The following OXCT1 variants were observed in gnomAD, a reference collection of about 807,000 sequenced individuals.
The protein encoded by OXCT1 is succinyl-CoA:3-ketoacid coenzyme A transferase 1, mitochondrial.
Under a neutral mutation model 69.6 loss-of-function variants are expected in OXCT1, and 27 were observed. The ratio of observed to expected loss-of-function variants is 0.39; its 90% CI spans 0.29 to 0.54. The LOEUF (loss-of-function observed/expected upper bound fraction) is 0.54. Ranked by LOEUF, OXCT1 falls within the 20% of genes least tolerant of loss-of-function variation. The pLI, the probability that OXCT1 is intolerant of heterozygous loss-of-function variation, is 0.72. For synonymous variants in OXCT1, 202 were observed against 217.8 expected (o/e 0.93, Z 0.64); for missense variants, 437 against 650.2 (o/e 0.67, Z 3.57).
At chr5:41,791,400 G>C (rs553104420) in intron 13 of OXCT1, among the ~76,000 whole-genome samples, 2 of 152,208 alleles carry the variant, frequency 1.3e-5, no homozygotes, top group Non-Finnish European at 2.9e-5. Flanking sequence ...GGAACTCGTG[G>C]GCTCCAAGTT....
chr5:41,789,912 T>C lies in OXCT1; in HGVS notation c.1248+4091A>G, dbSNP rs569326065. Among the ~76,000 whole-genome samples, 34 of 152,348 alleles carry C rather than the reference T, an allele frequency of 2.2e-4. No homozygotes were observed. The South Asian group carries it at 4.1e-3, about 19-fold the overall frequency. ...TTTTATAACCAGGAATACTAGTGAC[T>C]TAACTTATTTAAAACAGGTAGCATG... On this transcript the variant is annotated intron_variant, in intron 13 of 16. Coordinates refer to ENST00000196371, the MANE Select transcript of OXCT1 (RefSeq NM_000436.4).
intron 13 of OXCT1, among the ~76,000 whole-genome samples, chr5:41,781,058 C>T (rs1745374407): frequency 6.6e-5 from 10 of 152,120 alleles, no homozygotes; most frequent in Admixed American, 6.5e-4. Flanking sequence ...CACCCACCAC[C>T]ACGCCCAGCT....
chr5:41,857,904 G>A (rs1456515795), intron 3 of OXCT1, among the ~76,000 whole-genome samples: 1 of 152,168 alleles, frequency 6.6e-6, no homozygotes, highest in Non-Finnish European at 1.5e-5. Flanking sequence ...ACTTTCTGTA[G>A]TTTAAAATAT....
chr5:41,840,469 T>A lies in OXCT1; in HGVS notation c.714A>T (p.Ala238=). Residue 238 remains alanine, a synonymous_variant, in exon 7 of 17, where the codon GCA becomes GCT. Transcript: ENST00000196371. ...RNFNLPMCKA[A]ETTVVEVEEI... ...CTCTTACCTCTACCACTGTGGTTTC[T>A]GCAGCTTTGCACATTGGCAAGTTGA... 1 of 1,613,098 alleles carries A rather than the reference T, an allele frequency of 6.2e-7. No individual in the cohort carries two copies. Among genetic ancestry groups the A allele is most frequent in the Non-Finnish European group, 8.5e-7 (1 of 1,179,214 alleles).
intron 7 of OXCT1, among the ~76,000 whole-genome samples, chr5:41,839,804 G>A (rs927367275): frequency 5.3e-5 from 8 of 152,274 alleles, no homozygotes; most frequent in East Asian, 1.9e-4. Flanking sequence ...AAACTCCCAC[G>A]AAAATTGGGT....
At chr5:41,783,168 A>G (rs1169891918) in intron 13 of OXCT1, among the ~76,000 whole-genome samples, 1 of 152,248 alleles carries the variant, frequency 6.6e-6, no homozygotes, top group African/African-American at 2.4e-5. Context: ...AAGACTGACC[A>G]TAAGTGGATA....
chr5:41,850,912 T>G (rs977236183), intron 4 of OXCT1, among the ~76,000 whole-genome samples: 2 of 152,182 alleles, frequency 1.3e-5, no homozygotes, highest in African/African-American at 4.8e-5. Flanking sequence ...AGGAATCAAC[T>G]CTGGCCCTGA....
intron 13 of OXCT1, among the ~76,000 whole-genome samples, chr5:41,768,602 A>G (rs1399764573): frequency 3.9e-5 from 6 of 152,114 alleles, no homozygotes; most frequent in Admixed American, 3.3e-4. Flanking sequence ...CCTCTCCCTC[A>G]TAACCCACAT....
rs115025918 is a variant in OXCT1 at position 41,812,155 on chromosome 5, G to C, written c.733-4717C>G. On this transcript the variant is annotated intron_variant, in intron 7 of 16. Coordinates refer to ENST00000196371, the MANE Select transcript of OXCT1 (RefSeq NM_000436.4). ...TCTAACGAATAAGAATAAATTGCTTGGTAAAGTAGAAATGACAGAAATTTT... is the reference window on the plus strand; with the variant it reads ...TCTAACGAATAAGAATAAATTGCTTCGTAAAGTAGAAATGACAGAAATTTT... Among the ~76,000 whole-genome samples, 889 of 151,962 alleles carry C rather than the reference G, an allele frequency of 5.9e-3. 8 individuals are homozygous for C. The highest frequency in any genetic ancestry group is 0.02 in the African/African-American group (847 of 41,494).
chr5:41,769,949 G>A (rs552936573), intron 13 of OXCT1, among the ~76,000 whole-genome samples: 1 of 152,002 alleles, frequency 6.6e-6, no homozygotes, highest in Non-Finnish European at 1.5e-5. Context: ...TAATAGAGAC[G>A]GGGTTTCACC....
chr5:41,845,419 T>C (rs1748848492), intron 5 of OXCT1, among the ~76,000 whole-genome samples: 1 of 152,176 alleles, frequency 6.6e-6, no homozygotes, highest in African/African-American at 2.4e-5. Context: ...ACATTATGCA[T>C]TTATTCATTC....
intron 3 of OXCT1, among the ~76,000 whole-genome samples, chr5:41,858,657 T>C (rs920335703): frequency 6.6e-6 from 1 of 152,194 alleles, no homozygotes; most frequent in Non-Finnish European, 1.5e-5. Flanking sequence ...GTTCTGGAAA[T>C]ATTTCCATGC....
chr5:41,776,936 GA>G (rs1745152131), intron 13 of OXCT1, among the ~76,000 whole-genome samples: 1 of 152,166 alleles, frequency 6.6e-6, no homozygotes, highest in Non-Finnish European at 1.5e-5. Context: ...ACCAGTGTGA[GA>G]AAATTGGAAA....
intron 15 of OXCT1, among the ~76,000 whole-genome samples, chr5:41,740,701 C>T (rs1434732632): frequency 6.6e-6 from 1 of 152,184 alleles, no homozygotes; most frequent in Non-Finnish European, 1.5e-5. Flanking sequence ...TAGATACTTG[C>T]AGTGGCAGGA....
Position 41,831,348 on chromosome 5 carries a change from C to T in OXCT1, c.732+9103G>A, listed in dbSNP as rs78638839. Among the ~76,000 whole-genome samples, 1,478 of 152,264 alleles carry T rather than the reference C, an allele frequency of 9.7e-3. 23 individuals are homozygous for T. The highest frequency in any genetic ancestry group is 0.03 in the African/African-American group (1,255 of 41,552). On this transcript the variant is annotated intron_variant, in intron 7 of 16. Transcript: ENST00000196371. ...ATCTAGCTTCCTCTCTTTCTTGAGGCCTTTACTCAGAAGTCATCTCACCGA... is the reference window on the plus strand; with the variant it reads ...ATCTAGCTTCCTCTCTTTCTTGAGGTCTTTACTCAGAAGTCATCTCACCGA...
At chr5:41,830,261 T>C (rs554420159) in intron 7 of OXCT1, among the ~76,000 whole-genome samples, 3 of 152,356 alleles carry the variant, frequency 2.0e-5, no homozygotes, top group African/African-American at 7.2e-5. Flanking sequence ...GGTGATAGTA[T>C]TCTGCCGAAG....
At chr5:41,799,968 C>T (rs534537407) in intron 11 of OXCT1, among the ~76,000 whole-genome samples, 8 of 152,128 alleles carry the variant, frequency 5.3e-5, no homozygotes, top group Non-Finnish European at 7.4e-5. Flanking sequence ...AATAGTTTTG[C>T]GGGGGCAGAA....
In OXCT1 at chr5:41,785,833, A is replaced by G. The variant is rs1745613823; in HGVS notation, c.1248+8170T>C. ...CATGAAAAGTATTCTAACTACCCCT[A>G]CATTTCTCAGCAACCAAGGAAGGGG... is the stretch of plus-strand genomic sequence containing the variant. On this transcript the variant is annotated intron_variant, in intron 13 of 16. Transcript: ENST00000196371. Among the ~76,000 whole-genome samples, 3 of 152,192 alleles carry G rather than the reference A, an allele frequency of 2.0e-5. No individual in the cohort carries two copies. In the South Asian group the frequency reaches 6.2e-4, roughly 32 times the overall value.
At chr5:41,825,687 A>T (rs1747772820) in intron 7 of OXCT1, among the ~76,000 whole-genome samples, 1 of 152,038 alleles carries the variant, frequency 6.6e-6, no homozygotes, top group African/African-American at 2.4e-5. Context: ...TTTCATTCAA[A>T]AGAAGTCATA....
Sources: gnomAD v4.1 joint callset for allele counts (sites outside exome capture counted in the v4.1 genomes callset) on GRCh38, gnomAD v4.1.1 for gene constraint, MANE v1.5 for transcripts, NCBI Gene and HGNC (gene_info 2026-07-23, HGNC 2026-07-21) for gene names.